Variants in CA13 observed in about 807,000 individuals in gnomAD.
CA13 encodes carbonic anhydrase 13.
Under a neutral mutation model 31.5 loss-of-function variants are expected in CA13, and 21 were observed. That is an observed-to-expected ratio of 0.67 (90% CI 0.47 to 0.96). The LOEUF is 0.96. CA13 is among the 40% of genes least tolerant of loss of function. CA13 has a pLI of 0.00. For missense variants in CA13, 315 were observed against 318.9 expected (o/e 0.99, Z 0.09); for synonymous variants, 117 against 111.4 (o/e 1.05, Z -0.32).
At position 85,259,300 on chromosome 8, in the gene CA13, A is replaced by G. The variant is rs1250462631; in HGVS notation, c.236-121A>G. On this transcript the variant is annotated intron_variant, in intron 2 of 6. Transcript: ENST00000321764. The stretch of plus-strand genomic sequence containing the variant: ...TTCTTGTCAGCAAAGCAAATGACAC[A>G]TTTGTAAAAAATTCCTTGGAGGACA... The G allele has an allele frequency of 4.1e-6, 3 of 734,000 alleles. No individual in the cohort carries two copies. In the African/African-American group the frequency reaches 5.2e-5, roughly 13 times the overall value. 45.5% of individuals were successfully genotyped at this position (734,000 alleles called of 1,614,324 possible).
At chr8:85,251,056 T>A in intron 2 of CA13, 119 bp downstream of exon 2, 1 of 858,648 alleles carries the variant, frequency 1.2e-6, no homozygotes, top group African/African-American at 1.7e-5. Context: ...GGCTGAAGTG[T>A]AGTGGCGCGA....
In CA13 at chr8:85,274,152, G is replaced by GGA. The variant is rs201681128; in HGVS notation, c.669+5528_669+5529dup. On this transcript the variant is annotated intron_variant, in intron 6 of 6. Transcript: ENST00000321764. The stretch of plus-strand genomic sequence containing the variant: ...CCCCTGCCCAGCTTTCAGGTCCCGG[G>GGA]GAGAATCTTTCATTCCTATTTGGTT... 1.7e-4 allele frequency among the ~76,000 whole-genome samples: 26 copies of GGA among 152,204 alleles called. No homozygotes were observed. The East Asian group carries it at 4.8e-3, about 28-fold the overall frequency.
At chr8:85,267,323 GGTT>G (rs1250754197) in intron 4 of CA13, 2 of 985,452 alleles carry the variant, frequency 2.0e-6, no homozygotes, top group Non-Finnish European at 2.4e-6. Context: ...AAGTAGGGGT[GGTT>G]GCGGCAGGAT....
At chr8:85,271,946 G>C (rs1213357546) in intron 6 of CA13, among the ~76,000 whole-genome samples, 1 of 152,112 alleles carries the variant, frequency 6.6e-6, no homozygotes, top group Non-Finnish European at 1.5e-5. Flanking sequence ...GTGCATGCCT[G>C]TAATCCCAGC....
chr8:85,248,262 A>G (rs28564613), intron 1 of CA13, among the ~76,000 whole-genome samples: 42 of 151,858 alleles, frequency 2.8e-4, no homozygotes, highest in African/African-American at 9.2e-4. Flanking sequence ...GTTCAAGACC[A>G]GACTGACCAA....
At chr8:85,260,877 T>A (rs1432386473) in intron 3 of CA13, among the ~76,000 whole-genome samples, 1 of 152,236 alleles carries the variant, frequency 6.6e-6, no homozygotes, top group Non-Finnish European at 1.5e-5. Context: ...TCATTTTCCT[T>A]ACCAACTCAG....
chr8:85,267,711 CTTG>C (rs779705429), intron 4 of CA13, among the ~76,000 whole-genome samples, 188 bp from the exon 5 acceptor site: 3 of 152,278 alleles, frequency 2.0e-5, no homozygotes, highest in Middle Eastern at 3.4e-3. Context: ...GTAATATTAT[CTTG>C]TTGTTCAGAT....
At chr8:85,273,101 A>G (rs957474716) in intron 6 of CA13, among the ~76,000 whole-genome samples, 1 of 152,242 alleles carries the variant, frequency 6.6e-6, no homozygotes, top group South Asian at 2.1e-4. Context: ...TACAGGCATG[A>G]GCCACTGTGC....
At chr8:85,277,554 A>G (rs1401922217) in intron 6 of CA13, among the ~76,000 whole-genome samples, 1 of 152,146 alleles carries the variant, frequency 6.6e-6, no homozygotes, top group Non-Finnish European at 1.5e-5. Flanking sequence ...CCAATTCCGG[A>G]CACAATAACA....
chr8:85,269,049 G>T (rs150813602), intron 6 of CA13, among the ~76,000 whole-genome samples: 46 of 152,318 alleles, frequency 3.0e-4, no homozygotes, highest in Non-Finnish European at 6.0e-4. Flanking sequence ...CCCCACACCT[G>T]CTTCTACAAA....
chr8:85,266,847 T>C, intron 4 of CA13, 144 bp downstream of exon 4: 1 of 599,412 alleles, frequency 1.7e-6, no homozygotes, highest in Non-Finnish European at 2.9e-6. Flanking sequence ...ATTTAAAAAT[T>C]ATATATTCAT....
Position 85,281,291 on chromosome 8 carries a change from G to T in CA13, c.731G>T (p.Ser244Ile), listed in dbSNP as rs766205521. ...GGTGAAGCAGCAGCTTTTCTGGTGAGCAATCACCGCCCACCACAGCCTCTA... is the reference window on the plus strand; with the variant it reads ...GGTGAAGCAGCAGCTTTTCTGGTGATCAATCACCGCCCACCACAGCCTCTA... ...AEGEAAAFLV[S>I]NHRPPQPLKG... is the part of the protein sequence containing the mutation. The change falls in exon 7 of 7, where the codon AGC becomes ATC. Residue 244 changes from serine to isoleucine, a missense_variant. Coordinates refer to ENST00000321764, the MANE Select transcript of CA13 (RefSeq NM_198584.3). The T allele has an allele frequency of 9.3e-6, 15 of 1,613,966 alleles. No homozygotes were observed. The African/African-American group carries it at 1.7e-4, about 19-fold the overall frequency.
At chr8:85,281,069 A>C (rs899832674) in intron 6 of CA13, among the ~76,000 whole-genome samples, 161 bp from the exon 7 acceptor site, 2 of 152,222 alleles carry the variant, frequency 1.3e-5, no homozygotes, top group African/African-American at 4.8e-5. Flanking sequence ...AGTGATGAGA[A>C]TTTAGCAAAA....
chr8:85,245,934 C>A (rs868606075), intron 1 of CA13, 69 bp downstream of exon 1: 5 of 1,565,762 alleles, frequency 3.2e-6, no homozygotes, highest in Non-Finnish European at 4.4e-6. Flanking sequence ...GACGCCCCGG[C>A]GCTCGCTGAC....
Position 85,259,773 on chromosome 8 carries a change from A to G in CA13, c.354+234A>G, listed in dbSNP as rs140025909. 4.5e-3 allele frequency among the ~76,000 whole-genome samples: 684 copies of G among 152,346 alleles called. 5 individuals are homozygous for G. The highest frequency in any genetic ancestry group is 6.8e-3 in the Middle Eastern group (2 of 294). On this transcript the variant is annotated intron_variant, in intron 3 of 6. Transcript: ENST00000321764. The stretch of plus-strand genomic sequence containing the variant: ...AGGGTTATATGTTCCCATTTTAGAC[A>G]TAAGTAAACTGGTTGCTGGAGAGAT...
rs1291762959 is a variant in CA13 at position 85,267,792 on chromosome 8, G to A, written c.451-110G>A. On this transcript the variant is annotated intron_variant, in intron 4 of 6. Transcript: ENST00000321764. ...TTGTAGAACAATCACTGTATGTTCT[G>A]TGCTGGCTAAGGTTTTTTTAAAAAA... is the stretch of plus-strand genomic sequence containing the variant. 73 of 637,454 alleles carry A rather than the reference G, an allele frequency of 1.1e-4. 1 individual carries two copies. In the South Asian group the frequency reaches 1.6e-3, roughly 14 times the overall value. 39.5% of individuals were successfully genotyped at this position (637,454 alleles called of 1,614,324 possible). A position where few individuals can be genotyped will look rare whatever the true frequency, so the allele number is the denominator to read the frequency against.
rs1322848582 is a variant in CA13 at position 85,245,660 on chromosome 8, G to C, written c.-169G>C. 4.2e-6 allele frequency: 3 copies of C among 717,102 alleles called. No homozygotes were observed. Among genetic ancestry groups the C allele is most frequent in the Non-Finnish European group, 7.1e-6 (3 of 419,664 alleles). The allele number at this position is 717,102 out of a possible 1,614,324, so 44.4% of individuals were successfully genotyped here. On this transcript the variant is annotated 5_prime_UTR_variant, in exon 1 of 7. Coordinates refer to ENST00000321764, the MANE Select transcript of CA13 (RefSeq NM_198584.3). ...GGCGCCTTCCCCGCACGCCTCTGCC[G>C]TCTGGAGGACGCAGGCGGGAGCGCC...
At chr8:85,249,169 T>G (rs1489932771) in intron 1 of CA13, among the ~76,000 whole-genome samples, 3 of 152,140 alleles carry the variant, frequency 2.0e-5, no homozygotes, top group Non-Finnish European at 4.4e-5. Context: ...GTGTGAGTTC[T>G]CTTTTGCAAA....
In CA13 at chr8:85,245,910, G is replaced by A. The variant is rs757431331; in HGVS notation, c.37+45G>A. On this transcript the variant is annotated intron_variant, in intron 1 of 6. Transcript: ENST00000321764. Reference sequence around the variant, plus strand: ...CCAAGGGGGGGTTTGTGCGGGGGACGAGAGGACTAGCGCGACGCCCCGGCG... The same window carrying A: ...CCAAGGGGGGGTTTGTGCGGGGGACAAGAGGACTAGCGCGACGCCCCGGCG... The A allele has an allele frequency of 8.1e-6, 13 of 1,611,446 alleles. No homozygotes were observed. In the Admixed American group the frequency reaches 1.3e-4, roughly 17 times the overall value.
Sources: allele counts gnomAD v4.1 joint callset (sites outside exome capture counted in the v4.1 genomes callset), GRCh38; gene constraint gnomAD v4.1.1; transcripts MANE v1.5; gene names NCBI Gene and HGNC (gene_info 2026-07-23, HGNC 2026-07-21).